AGBL1: variants seen among roughly 807,000 people sequenced by gnomAD.
The protein encoded by AGBL1 is cytosolic carboxypeptidase 4.
AGBL1 carries 130 observed loss-of-function variants against 118.9 expected under a neutral mutation model. The ratio of observed to expected loss-of-function variants is 1.09; its 90% CI spans 0.95 to 1.26. AGBL1 has a LOEUF of 1.26. Ranked by LOEUF, AGBL1 falls within the 50% of genes most tolerant of loss-of-function variation. The pLI, the probability that AGBL1 is intolerant of heterozygous loss-of-function variation, is 0.00. For missense variants in AGBL1, 1,584 were observed against 1,298.1 expected, an observed-to-expected ratio of 1.22 and a Z score of -3.38; for synonymous variants, 555 against 478.9, an observed-to-expected ratio of 1.16 and a Z score of -2.08.
chr15:86,318,898 A>T (rs1196354250), intron 17 of AGBL1, among the ~76,000 whole-genome samples: 1 of 152,094 alleles, frequency 6.6e-6, no homozygotes, highest in African/African-American at 2.4e-5. Flanking sequence ...TGAGTTGGCC[A>T]TAGTTTATTT....
chr15:86,432,332 T>A lies in AGBL1; in HGVS notation c.2555+34786T>A, dbSNP rs138872821. Among the ~76,000 whole-genome samples, 1,270 of 152,310 alleles carry A rather than the reference T, an allele frequency of 8.3e-3. 20 individuals are homozygous for A. The highest frequency in any genetic ancestry group is 0.029 in the African/African-American group (1,213 of 41,566). ...CATTTGGTCCTCTCATCTCCCTAGGTTCCTCTGGGCCATGGCAGTTTCTTG... is the reference window on the plus strand; with the variant it reads ...CATTTGGTCCTCTCATCTCCCTAGGATCCTCTGGGCCATGGCAGTTTCTTG... On this transcript the variant is annotated intron_variant, in intron 18 of 22. Transcript: ENST00000614907.
intron 18 of AGBL1, among the ~76,000 whole-genome samples, chr15:86,425,893 T>G (rs981318662): frequency 3.9e-5 from 6 of 152,104 alleles, no homozygotes; most frequent in Non-Finnish European, 8.8e-5. Context: ...CAGATGATTG[T>G]GGAGAGATCT....
At position 86,555,716 on chromosome 15, in the gene AGBL1, G is replaced by A. The variant is rs184733760; in HGVS notation, c.2994+1179G>A. On this transcript the variant is annotated intron_variant, in intron 21 of 22. Coordinates refer to ENST00000614907, the MANE Select transcript of AGBL1 (RefSeq NM_001386094.1). ...GATCTCACTCTTTCACTTACCAGCA[G>A]TGTTGAAAGCTACTTACTTCTAGGA... Among the ~76,000 whole-genome samples, 8 of 152,276 alleles carry A rather than the reference G, an allele frequency of 5.3e-5. No individual in the cohort carries two copies. The East Asian group carries it at 1.5e-3, about 29-fold the overall frequency.
chr15:86,958,297 T>C (rs1469426965), intron 23 of AGBL1, among the ~76,000 whole-genome samples: 1 of 151,974 alleles, frequency 6.6e-6, no homozygotes, highest in Non-Finnish European at 1.5e-5. Flanking sequence ...ACAGTGTCCC[T>C]GGCCACTGCC....
chr15:86,304,253 C>T (rs772343190), intron 17 of AGBL1, among the ~76,000 whole-genome samples: 72 of 152,100 alleles, frequency 4.7e-4, no homozygotes, highest in Non-Finnish European at 2.1e-4. Flanking sequence ...CTTCTTTCTA[C>T]TTATTGAACA....
intron 21 of AGBL1, among the ~76,000 whole-genome samples, chr15:86,666,170 G>C (rs182311171): frequency 6.6e-6 from 1 of 152,020 alleles, no homozygotes. Flanking sequence ...CATGGTCCTG[G>C]GCCTTGCTTT....
At chr15:86,269,710 G>C (rs1288538582) in intron 13 of AGBL1, among the ~76,000 whole-genome samples, 6 of 152,084 alleles carry the variant, frequency 3.9e-5, no homozygotes, top group Admixed American at 3.9e-4. Flanking sequence ...ATTGACTCTT[G>C]TAATACTAGG....
intron 19 of AGBL1, among the ~76,000 whole-genome samples, chr15:86,533,254 C>G: frequency 1.0e-5 from 1 of 100,366 alleles, no homozygotes; most frequent in South Asian, 3.2e-4. Flanking sequence ...TGAACTCAAA[C>G]AAATTTACAA....
intron 17 of AGBL1, among the ~76,000 whole-genome samples, chr15:86,335,079 C>A (rs2080341074): frequency 6.6e-6 from 1 of 151,702 alleles, no homozygotes; most frequent in South Asian, 2.1e-4. Context: ...TAATTTATGA[C>A]CTAGAGAAAG....
At chr15:86,792,450 G>T (rs1008119330) in intron 22 of AGBL1, among the ~76,000 whole-genome samples, 1 of 152,160 alleles carries the variant, frequency 6.6e-6, no homozygotes, top group African/African-American at 2.4e-5. Flanking sequence ...AACATGGTCT[G>T]TTTAGCATGG....
At chr15:86,664,698 G>A (rs2142524880) in intron 21 of AGBL1, among the ~76,000 whole-genome samples, 1 of 152,204 alleles carries the variant, frequency 6.6e-6, no homozygotes, top group Non-Finnish European at 1.5e-5. Context: ...GAAGGAAAAA[G>A]TAGGACCCTA....
chr15:86,624,531 C>G (rs1482588787), intron 21 of AGBL1, among the ~76,000 whole-genome samples: 1 of 152,162 alleles, frequency 6.6e-6, no homozygotes, highest in African/African-American at 2.4e-5. Flanking sequence ...TTCTTCATAT[C>G]TACTTTCTTG....
At chr15:86,812,737 A>G (rs1036914892) in intron 22 of AGBL1, among the ~76,000 whole-genome samples, 1 of 152,318 alleles carries the variant, frequency 6.6e-6, no homozygotes, top group East Asian at 1.9e-4. Flanking sequence ...GGAAATGCAC[A>G]GCATGCAGAC....
rs764663957 is a variant in AGBL1, at chr15:86,554,405, G to T, written c.2862G>T (p.Met954Ile). 1 of 1,588,094 alleles carries T rather than the reference G, an allele frequency of 6.3e-7. No homozygotes were observed. ...ATAAGCTAGCACCAGCATTCACAAT[G>T]AGCAGCTGCAGCTTTCTCGTGGAGA... ...ILDKLAPAFT[M>I]SSCSFLVEKS... Residue 954 changes from methionine to isoleucine, a missense_variant, in exon 21 of 23, where the codon ATG becomes ATT. Coordinates refer to ENST00000614907, the MANE Select transcript of AGBL1 (RefSeq NM_001386094.1).
At chr15:86,218,572 C>G (rs2078227317) in intron 5 of AGBL1, among the ~76,000 whole-genome samples, 1 of 152,150 alleles carries the variant, frequency 6.6e-6, no homozygotes, top group Non-Finnish European at 1.5e-5. Context: ...GACATGTCAT[C>G]CCTGGTCACC....
chr15:86,770,428 G>A (rs2078160746), intron 22 of AGBL1, among the ~76,000 whole-genome samples: 1 of 151,906 alleles, frequency 6.6e-6, no homozygotes, highest in African/African-American at 2.4e-5. Context: ...AGCTACAGCT[G>A]CTGCTAAACA....
chr15:86,804,578 T>C (rs2078692931), intron 22 of AGBL1, among the ~76,000 whole-genome samples: 1 of 152,150 alleles, frequency 6.6e-6, no homozygotes, highest in Admixed American at 6.5e-5. Flanking sequence ...TACGCATGTG[T>C]CTTGATTGCA....
intron 22 of AGBL1, among the ~76,000 whole-genome samples, chr15:86,818,423 C>T (rs2078895423): frequency 6.6e-6 from 1 of 152,162 alleles, no homozygotes; most frequent in Admixed American, 6.6e-5. Context: ...GCAAGGAATC[C>T]AGGTTGCATG....
chr15:86,511,408 G>C lies in AGBL1; in HGVS notation c.2556-11402G>C, dbSNP rs573785553. On this transcript the variant is annotated intron_variant, in intron 18 of 22. Transcript: ENST00000614907. Reference sequence around the variant, plus strand: ...GGAGCAGACACCTTTCATTTCTGTAGGCTTCTTCCCCATCCCTTTTCATCC... The same window carrying C: ...GGAGCAGACACCTTTCATTTCTGTACGCTTCTTCCCCATCCCTTTTCATCC... 2.3e-4 allele frequency among the ~76,000 whole-genome samples: 35 copies of C among 152,072 alleles called. No individual in the cohort carries two copies. The South Asian group carries it at 7.3e-3, about 32-fold the overall frequency.
Sources: gnomAD v4.1 joint callset for allele counts (sites outside exome capture counted in the v4.1 genomes callset) on GRCh38, gnomAD v4.1.1 for gene constraint, MANE v1.5 for transcripts, NCBI Gene and HGNC (gene_info 2026-07-23, HGNC 2026-07-21) for gene names.